FBN2: variants seen among roughly 807,000 people sequenced by gnomAD.
The protein encoded by FBN2 is fibrillin-2.
A neutral mutation model predicts 355.6 loss-of-function variants in FBN2; 105 were observed. That is an observed-to-expected ratio of 0.30 (90% CI 0.25 to 0.35). FBN2 has a LOEUF of 0.35. Among genes scored for constraint, FBN2 ranks in the 10% least tolerant of loss-of-function variants. The pLI is 1.00. For missense variants in FBN2, 3,280 were observed against 3,758.7 expected, an observed-to-expected ratio of 0.87 and a Z score of 3.33; for synonymous variants, 1,350 against 1,301.2, an observed-to-expected ratio of 1.04 and a Z score of -0.81.
chr5:128,382,509 T>C (rs181186963), intron 11 of FBN2, among the ~76,000 whole-genome samples: 202 of 152,222 alleles, frequency 1.3e-3, no homozygotes, highest in Admixed American at 4.1e-3. Flanking sequence ...CTGTGTGTTG[T>C]TGACTCCTAA....
chr5:128,464,755 G>A lies in FBN2; in HGVS notation c.795C>T (p.Phe265=). Residue 265 remains phenylalanine, a synonymous_variant, in exon 6 of 65, where the codon TTC becomes TTT. Transcript: ENST00000262464. The stretch of plus-strand genomic sequence containing the variant: ...AAGCTCCAGTGCGGATGTTGGGGAT[G>A]AAACCCCGTCGGCAGGGCTGAGGCT... ...PAQPQPCRRG[F]IPNIRTGACQ... 1 of 1,613,942 alleles carries A rather than the reference G, an allele frequency of 6.2e-7. No homozygotes were observed. The highest frequency in any genetic ancestry group is 8.5e-7 in the Non-Finnish European group (1 of 1,179,976).
chr5:128,415,806 A>C (rs1753180120), intron 7 of FBN2, among the ~76,000 whole-genome samples: 1 of 152,196 alleles, frequency 6.6e-6, no homozygotes, highest in Non-Finnish European at 1.5e-5. Flanking sequence ...GTACTAATTT[A>C]CATTACCACC....
chr5:128,523,535 C>A (rs1043476222), intron 4 of FBN2, among the ~76,000 whole-genome samples: 10 of 152,034 alleles, frequency 6.6e-5, no homozygotes. Flanking sequence ...TCTATACGGT[C>A]CCAAATTTAT....
Position 128,274,676 on chromosome 5 carries a change from A to G in FBN2, c.7602T>C (p.Asp2534=). 1.2e-6 allele frequency: 2 copies of G among 1,600,454 alleles called. No individual in the cohort carries two copies. Among genetic ancestry groups the G allele is most frequent in the Non-Finnish European group, 1.7e-6 (2 of 1,167,574 alleles). ...AGTTATGCTGCTTTGTTTGACATTCATCAAGGTCTGAAATTAGAGAGAAGC... is the reference window on the plus strand; with the variant it reads ...AGTTATGCTGCTTTGTTTGACATTCGTCAAGGTCTGAAATTAGAGAGAAGC... ...QEDGKTCKDL[D]ECQTKQHNCQ... is the part of the protein sequence containing the mutation. The change falls in exon 60 of 65, where the codon GAT becomes GAC. Residue 2534 remains aspartate, a synonymous_variant. Transcript: ENST00000262464.
chr5:128,390,045 T>C (rs1232068493), intron 11 of FBN2, among the ~76,000 whole-genome samples: 1 of 152,152 alleles, frequency 6.6e-6, no homozygotes, highest in Non-Finnish European at 1.5e-5. Flanking sequence ...TCCCTTATCC[T>C]TCACAGACAC....
At chr5:128,397,590 C>G (rs765336634) in intron 8 of FBN2, among the ~76,000 whole-genome samples, 3 of 152,174 alleles carry the variant, frequency 2.0e-5, no homozygotes, top group Non-Finnish European at 2.9e-5. Context: ...AACATATGCT[C>G]TATTTCTTGC....
intron 5 of FBN2, among the ~76,000 whole-genome samples, chr5:128,481,287 AC>A (rs1755178341): frequency 6.6e-6 from 1 of 152,154 alleles, no homozygotes; most frequent in Non-Finnish European, 1.5e-5. Context: ...TTGATTCATG[AC>A]TGTTAGCCTT....
At chr5:128,332,421 C>T (rs1489238328) in intron 32 of FBN2, among the ~76,000 whole-genome samples, 3 of 152,174 alleles carry the variant, frequency 2.0e-5, no homozygotes, top group South Asian at 2.1e-4. Flanking sequence ...GGAGAATTTG[C>T]CTATTTTTTT....
chr5:128,345,120 C>T (rs535032692), intron 24 of FBN2, among the ~76,000 whole-genome samples: 9 of 152,260 alleles, frequency 5.9e-5, no homozygotes, highest in Admixed American at 1.3e-4. Context: ...GCGACATCTC[C>T]GGTTGCAGAG....
rs140550329 is a variant in FBN2 at position 128,259,181 on chromosome 5, G to T, written c.*274C>A. 2 of 417,262 alleles carry T rather than the reference G, an allele frequency of 4.8e-6. No individual in the cohort carries two copies. Among genetic ancestry groups the T allele is most frequent in the South Asian group, 3.1e-5 (1 of 31,934 alleles). The allele number at this position is 417,262 out of a possible 1,614,324, so 25.8% of individuals were successfully genotyped here. A position where few individuals can be genotyped will look rare whatever the true frequency, so the allele number is the denominator to read the frequency against. ...TTTTGTGCATTTAGTGCCATATGCT[G>T]ATATCTTGAACATTTAGGTTTCTTT... On this transcript the variant is annotated 3_prime_UTR_variant, in exon 65 of 65. Transcript: ENST00000262464.
chr5:128,311,252 T>G, intron 39 of FBN2, 48 bp downstream of exon 39: 1 of 1,610,076 alleles, frequency 6.2e-7, no homozygotes, highest in Middle Eastern at 1.7e-4. Flanking sequence ...TCAGCAGCCA[T>G]TTTGTTTTAA....
chr5:128,445,610 T>C (rs1348414822), intron 7 of FBN2, among the ~76,000 whole-genome samples: 1 of 152,222 alleles, frequency 6.6e-6, no homozygotes, highest in African/African-American at 2.4e-5. Flanking sequence ...TTTGACTTGA[T>C]GATAATGCTT....
chr5:128,536,362 A>T, intron 2 of FBN2, 40 bp downstream of exon 2: 1 of 1,532,760 alleles, frequency 6.5e-7, no homozygotes, highest in Non-Finnish European at 9.0e-7. Context: ...GATAGGGCCG[A>T]GTGCGCTGCC....
chr5:128,381,997 C>CAAAAAAA (rs1752246627), intron 11 of FBN2, among the ~76,000 whole-genome samples: 2 of 151,966 alleles, frequency 1.3e-5, no homozygotes. Context: ...ACATTTTTGG[C>CAAAAAAA]AAAATTATGA....
chr5:128,419,990 C>T (rs529059411), intron 7 of FBN2, among the ~76,000 whole-genome samples: 64 of 152,086 alleles, frequency 4.2e-4, no homozygotes, highest in Middle Eastern at 6.3e-3. Flanking sequence ...CCACCGCACC[C>T]GGCTGATGTA....
At chr5:128,516,300 A>G (rs941986797) in intron 5 of FBN2, among the ~76,000 whole-genome samples, 1 of 152,050 alleles carries the variant, frequency 6.6e-6, no homozygotes, top group African/African-American at 2.4e-5. Flanking sequence ...TACATAAACA[A>G]TTGAGTACCT....
chr5:128,378,423 T>C (rs1347877058), intron 12 of FBN2, among the ~76,000 whole-genome samples: 2 of 152,090 alleles, frequency 1.3e-5, no homozygotes, highest in Admixed American at 1.3e-4. Flanking sequence ...AGGCATGACT[T>C]GGTGTTGGAC....
chr5:128,520,875 T>C (rs1222630100), intron 4 of FBN2, among the ~76,000 whole-genome samples: 2 of 152,148 alleles, frequency 1.3e-5, no homozygotes, highest in Non-Finnish European at 2.9e-5. Flanking sequence ...CCACTCATCA[T>C]TGCCTTGAAA....
intron 7 of FBN2, among the ~76,000 whole-genome samples, chr5:128,444,291 C>T (rs1274089443): frequency 6.6e-6 from 1 of 151,860 alleles, no homozygotes; most frequent in Non-Finnish European, 1.5e-5. Flanking sequence ...CCAGGATGGT[C>T]TCGATCTCCT....
Sources: gnomAD v4.1 joint callset for allele counts (sites outside exome capture counted in the v4.1 genomes callset) on GRCh38, gnomAD v4.1.1 for gene constraint, MANE v1.5 for transcripts, NCBI Gene and HGNC (gene_info 2026-07-23, HGNC 2026-07-21) for gene names.